The following CLIP2 variants were observed in gnomAD, a reference collection of about 807,000 sequenced individuals.
The protein encoded by CLIP2 is CAP-Gly domain containing linker protein 2, also known as CAP-Gly domain-containing linker protein 2.
Under a neutral mutation model 111.7 loss-of-function variants are expected in CLIP2, and 41 were observed. That is an observed-to-expected ratio of 0.37 (90% CI 0.29 to 0.48). CLIP2 has a LOEUF of 0.48. CLIP2 is among the 20% of genes least tolerant of loss of function. The pLI, the probability that CLIP2 is intolerant of heterozygous loss-of-function variation, is 0.99. For synonymous variants in CLIP2, 660 were observed against 644.2 expected, an observed-to-expected ratio of 1.02 and a Z score of -0.37; for missense variants, 1,160 against 1,422.1, an observed-to-expected ratio of 0.82 and a Z score of 2.96.
intron 3 of CLIP2, among the ~76,000 whole-genome samples, chr7:74,351,715 A>T (rs1204285251): frequency 6.6e-6 from 1 of 152,088 alleles, no homozygotes; most frequent in Non-Finnish European, 1.5e-5. Context: ...AAACGCCTAT[A>T]ATCCCAGCTA....
chr7:74,372,299 C>G (rs772721056), intron 8 of CLIP2, among the ~76,000 whole-genome samples: 1 of 151,310 alleles, frequency 6.6e-6, no homozygotes, highest in Non-Finnish European at 1.5e-5. Flanking sequence ...AGGCACAGCC[C>G]GGCCTCCACC....
intron 4 of CLIP2, 93 bp from the exon 5 acceptor site, chr7:74,356,317 T>G: frequency 9.4e-7 from 1 of 1,065,478 alleles, no homozygotes; most frequent in Admixed American, 1.7e-5. Context: ...TCTTTCTCTC[T>G]TTCTGCCAGG....
chr7:74,291,957 T>A lies in CLIP2; in HGVS notation c.-68+2223T>A, dbSNP rs1178586323. ...TTTTTTTTTTGAAATGGAGTTTCAC[T>A]CTTGTTGCCCAGACTTGAGTGCAAT... is the stretch of plus-strand genomic sequence containing the variant. On this transcript the variant is annotated intron_variant, in intron 1 of 16. Transcript: ENST00000223398. Among the ~76,000 whole-genome samples, 10 of 143,480 alleles carry A rather than the reference T, an allele frequency of 7.0e-5. No individual in the cohort carries two copies. In the East Asian group the frequency reaches 1.8e-3, roughly 26 times the overall value. The allele number at this position is 143,480 out of a possible 152,430, so 94.1% of individuals were successfully genotyped here.
chr7:74,316,349 A>C (rs1319149683), intron 1 of CLIP2, among the ~76,000 whole-genome samples: 1 of 151,980 alleles, frequency 6.6e-6, no homozygotes, highest in East Asian at 1.9e-4. Context: ...GGCTCAAAAA[A>C]TCCTCCCACC....
intron 1 of CLIP2, among the ~76,000 whole-genome samples, chr7:74,290,127 C>G (rs538901682): frequency 2.3e-4 from 35 of 152,354 alleles, no homozygotes; most frequent in African/African-American, 7.5e-4. Flanking sequence ...CGCCGCAGGG[C>G]TCTCTGGGCT....
At chr7:74,301,452 G>A (rs1432540212) in intron 1 of CLIP2, among the ~76,000 whole-genome samples, 2 of 152,024 alleles carry the variant, frequency 1.3e-5, no homozygotes, top group Admixed American at 6.6e-5. Flanking sequence ...GCGTGATCTC[G>A]GCTCACTGCA....
chr7:74,362,486 G>A (rs1554309959), intron 7 of CLIP2, among the ~76,000 whole-genome samples: 1 of 151,382 alleles, frequency 6.6e-6, no homozygotes, highest in Non-Finnish European at 1.5e-5. Context: ...ATGGCGATGT[G>A]CCTGACGCCA....
chr7:74,335,979 T>C (rs1469080129), intron 2 of CLIP2, among the ~76,000 whole-genome samples: 1 of 144,092 alleles, frequency 6.9e-6, no homozygotes, highest in Non-Finnish European at 1.5e-5. Flanking sequence ...CCTGACCTCG[T>C]GATCCGCCCG....
chr7:74,296,271 G>A (rs1414411855), intron 1 of CLIP2, among the ~76,000 whole-genome samples: 5 of 152,094 alleles, frequency 3.3e-5, no homozygotes, highest in African/African-American at 1.2e-4. Flanking sequence ...CACTTTGGGA[G>A]GCTGAGGCAG....
Position 74,389,137 on chromosome 7 carries a change from G to T in CLIP2, c.2598G>T (p.Lys866Asn). The T allele has an allele frequency of 2.5e-6, 4 of 1,613,466 alleles. No homozygotes were observed. The highest frequency in any genetic ancestry group is 3.4e-6 in the Non-Finnish European group (4 of 1,179,858). Reference protein sequence around the residue: ...LESKCKSGEKKVDALLKEKRR... With the variant: ...LESKCKSGEKNVDALLKEKRR... ...GCAAGTGTAAGTCAGGCGAGAAGAA[G>T]GTGGACGCCCTCCTGAAGGAGAAGC... The change falls in exon 13 of 17, where the codon AAG becomes AAT. Residue 866 changes from lysine to asparagine, a missense_variant. Lys to Asn is a moderately conservative substitution (Grantham distance 94). Coordinates refer to ENST00000223398, the MANE Select transcript of CLIP2 (RefSeq NM_003388.5).
chr7:74,380,378 G>A lies in CLIP2; in HGVS notation c.2422-428G>A, dbSNP rs181328586. On this transcript the variant is annotated intron_variant, in intron 10 of 16. Coordinates refer to ENST00000223398, the MANE Select transcript of CLIP2 (RefSeq NM_003388.5). ...CCCTCCAGGAGGTGGCCCCAAGCAC[G>A]CTGTGCACACACTAACCCAAAGCAG... The A allele has an allele frequency of 7.7e-4, 119 of 153,628 alleles. 1 individual carries two copies. Among genetic ancestry groups the A allele is most frequent in the Admixed American group, 4.2e-3 (65 of 15,356 alleles). 9.5% of individuals were successfully genotyped at this position (153,628 alleles called of 1,614,324 possible).
intron 3 of CLIP2, among the ~76,000 whole-genome samples, chr7:74,339,232 C>T (rs1029847848): frequency 2.0e-5 from 3 of 152,210 alleles, no homozygotes; most frequent in Non-Finnish European, 2.9e-5. Context: ...GGGCAAGTGT[C>T]CTAAACTTTC....
chr7:74,389,413 C>A, intron 13 of CLIP2, 154 bp downstream of exon 13: 1 of 723,118 alleles, frequency 1.4e-6, no homozygotes, highest in Non-Finnish European at 2.2e-6. Context: ...CTCCTCTAAG[C>A]TCCGATAAAG....
At chr7:74,306,786 T>A (rs782080127) in intron 1 of CLIP2, among the ~76,000 whole-genome samples, 7 of 151,990 alleles carry the variant, frequency 4.6e-5, no homozygotes, top group Non-Finnish European at 1.0e-4. Context: ...ACTCCTGGGG[T>A]GTCTTCTCTG....
chr7:74,380,215 ATTGG>A (rs1790904406), intron 10 of CLIP2: 1 of 151,682 alleles, frequency 6.6e-6, no homozygotes, highest in Non-Finnish European at 1.5e-5. Context: ...CAGGGAGCCT[ATTGG>A]TTGTGTTTTG....
intron 4 of CLIP2, among the ~76,000 whole-genome samples, chr7:74,355,990 C>G (rs1584355295): frequency 6.6e-6 from 1 of 152,176 alleles, no homozygotes; most frequent in South Asian, 2.1e-4. Context: ...GCCCAGCACA[C>G]TGGAGGACCA....
At chr7:74,387,736 C>T (rs1376401714) in intron 12 of CLIP2, among the ~76,000 whole-genome samples, 1 of 152,198 alleles carries the variant, frequency 6.6e-6, no homozygotes, top group Non-Finnish European at 1.5e-5. Flanking sequence ...TTTCCTAATC[C>T]AGGCGACAGT....
intron 2 of CLIP2, among the ~76,000 whole-genome samples, chr7:74,331,226 A>T (rs1789268929): frequency 6.6e-6 from 1 of 150,596 alleles, no homozygotes; most frequent in Non-Finnish European, 1.5e-5. Context: ...AAAAAAAAAA[A>T]AAAAAAAAAT....
At chr7:74,353,222 G>A (rs1212526903) in intron 3 of CLIP2, among the ~76,000 whole-genome samples, 2 of 149,502 alleles carry the variant, frequency 1.3e-5, no homozygotes, top group African/African-American at 2.4e-5. Flanking sequence ...ACTAGACACC[G>A]TATATACAGT....
Sources: gnomAD v4.1 joint callset for allele counts (sites outside exome capture counted in the v4.1 genomes callset) on GRCh38, gnomAD v4.1.1 for gene constraint, MANE v1.5 for transcripts, NCBI Gene and HGNC (gene_info 2026-07-23, HGNC 2026-07-21) for gene names.